Variants in KCNH1 observed in about 807,000 individuals in gnomAD.
KCNH1 encodes voltage-gated delayed rectifier potassium channel KCNH1.
A neutral mutation model predicts 69.2 loss-of-function variants in KCNH1; 27 were observed. That is an observed-to-expected ratio of 0.39 (90% confidence interval 0.29 to 0.54). KCNH1 has a LOEUF of 0.54. KCNH1 is among the 20% of genes least tolerant of loss of function. The pLI is 0.68. For synonymous variants in KCNH1, 456 were observed against 487.7 expected (o/e 0.93, Z 0.86); for missense variants, 798 against 1,261.6 (o/e 0.63, Z 5.57).
chr1:210,798,040 CTT>C (rs540791928), intron 8 of KCNH1, among the ~76,000 whole-genome samples: 15 of 131,332 alleles, frequency 1.1e-4, no homozygotes, highest in Middle Eastern at 3.8e-3. Context: ...GGGAAGGTGA[CTT>C]TTTTTTTTTT....
intron 7 of KCNH1, among the ~76,000 whole-genome samples, chr1:210,852,790 C>T (rs1300817123): frequency 6.6e-6 from 1 of 152,136 alleles, no homozygotes; most frequent in African/African-American, 2.4e-5. Context: ...CAAACACTAG[C>T]TTTACTAATC....
At chr1:210,701,036 C>A (rs112278001) in intron 10 of KCNH1, among the ~76,000 whole-genome samples, 13,346 of 152,146 alleles carry the variant, frequency 0.088, 685 homozygotes, top group Admixed American at 0.14. Flanking sequence ...CTCCCGGGTT[C>A]ACGCCACTCT....
At chr1:211,105,246 A>G (rs968207453) in intron 2 of KCNH1, among the ~76,000 whole-genome samples, 1 of 152,152 alleles carries the variant, frequency 6.6e-6, no homozygotes, top group Non-Finnish European at 1.5e-5. Context: ...GAATAAGAGG[A>G]TTTTTCCTCT....
intron 7 of KCNH1, among the ~76,000 whole-genome samples, chr1:210,904,216 C>T (rs1687050802): frequency 6.6e-6 from 1 of 152,154 alleles, no homozygotes; most frequent in African/African-American, 2.4e-5. Flanking sequence ...GATGACATAA[C>T]TGCTTTGCAA....
intron 10 of KCNH1, among the ~76,000 whole-genome samples, chr1:210,690,073 G>A (rs551395693): frequency 6.6e-6 from 1 of 152,184 alleles, no homozygotes; most frequent in Non-Finnish European, 1.5e-5. Flanking sequence ...GCCCTCCTAG[G>A]TGCTGCCTGG....
intron 6 of KCNH1, among the ~76,000 whole-genome samples, chr1:210,979,169 C>T (rs1688667894): frequency 1.3e-5 from 2 of 152,188 alleles, no homozygotes; most frequent in African/African-American, 4.8e-5. Flanking sequence ...TGCTAGTCCT[C>T]ATAGCCTGCC....
chr1:210,867,980 GT>G (rs911142175), intron 7 of KCNH1, among the ~76,000 whole-genome samples: 1 of 151,902 alleles, frequency 6.6e-6, no homozygotes, highest in African/African-American at 2.4e-5. Flanking sequence ...TGATATACAA[GT>G]TTTTGTGTGA....
At chr1:210,883,124 G>A (rs966214836) in intron 7 of KCNH1, among the ~76,000 whole-genome samples, 1 of 152,118 alleles carries the variant, frequency 6.6e-6, no homozygotes. Context: ...GTATGATGGT[G>A]GGGGAGGGAG....
At chr1:211,070,875 A>G (rs1690630366) in intron 5 of KCNH1, among the ~76,000 whole-genome samples, 1 of 152,044 alleles carries the variant, frequency 6.6e-6, no homozygotes, top group Non-Finnish European at 1.5e-5. Context: ...AGAAGGAAAG[A>G]TAAGAATTAC....
At chr1:210,832,608 A>G (rs905112237) in intron 7 of KCNH1, among the ~76,000 whole-genome samples, 2 of 152,156 alleles carry the variant, frequency 1.3e-5, no homozygotes, top group African/African-American at 4.8e-5. Context: ...ACAAAAGGTA[A>G]CCTCAAAAAA....
intron 1 of KCNH1, among the ~76,000 whole-genome samples, chr1:211,107,880 A>G (rs11119679): frequency 0.8 from 122,351 of 152,198 alleles, 49,623 homozygotes; most frequent in African/African-American, 0.88. Context: ...AAAGGAGGCT[A>G]AACACTTCCT....
At chr1:210,694,529 C>T (rs925382989) in intron 10 of KCNH1, among the ~76,000 whole-genome samples, 4 of 152,184 alleles carry the variant, frequency 2.6e-5, no homozygotes, top group African/African-American at 4.8e-5. Flanking sequence ...GGGAGCAGAG[C>T]CACAGCCTGT....
rs1685973979 is a variant in KCNH1, at chr1:210,861,334, T to C, written c.1463-57168A>G. 1.5e-5 allele frequency: 12 copies of C among 789,700 alleles called. No individual in the cohort carries two copies. The Admixed American group carries it at 2.0e-4, about 13-fold the overall frequency. 48.9% of individuals were successfully genotyped at this position (789,700 alleles called of 1,614,324 possible). ...GTTGTAAAACTTGAGGAGCCATATATTGCTTCTCGTTGTACTGTTATAACA... is the reference window on the plus strand; with the variant it reads ...GTTGTAAAACTTGAGGAGCCATATACTGCTTCTCGTTGTACTGTTATAACA... On this transcript the variant is annotated intron_variant, in intron 7 of 10. Transcript: ENST00000271751.
At chr1:211,001,347 A>G (rs1689174963) in intron 6 of KCNH1, among the ~76,000 whole-genome samples, 1 of 152,126 alleles carries the variant, frequency 6.6e-6, no homozygotes, top group South Asian at 2.1e-4. Context: ...TCAAAAAGTG[A>G]ACAAAGGATA....
intron 6 of KCNH1, among the ~76,000 whole-genome samples, chr1:210,928,274 T>A (rs895070540): frequency 1.3e-5 from 2 of 151,924 alleles, no homozygotes; most frequent in African/African-American, 4.8e-5. Context: ...ACACGGAACA[T>A]CAGCACATGG....
At chr1:210,857,314 C>T (rs903202820) in intron 7 of KCNH1, among the ~76,000 whole-genome samples, 19 of 152,326 alleles carry the variant, frequency 1.2e-4, no homozygotes, top group Middle Eastern at 3.4e-3. Context: ...TGAGGCCTTA[C>T]AGGCACTTTA....
At chr1:210,705,629 GAT>G (rs1681889205) in intron 10 of KCNH1, among the ~76,000 whole-genome samples, 1 of 152,168 alleles carries the variant, frequency 6.6e-6, no homozygotes, top group Non-Finnish European at 1.5e-5. Flanking sequence ...TTGCTTTGAA[GAT>G]ATGATAAAAG....
In KCNH1 at chr1:210,874,819, A is replaced by T. The variant is rs537852860; in HGVS notation, c.1462+44821T>A. Reference sequence around the variant, plus strand: ...TTAATAGCACAATACCTTTTAAGTAAATTAAACTCATATACCCCTAACATA... The same window carrying T: ...TTAATAGCACAATACCTTTTAAGTATATTAAACTCATATACCCCTAACATA... On this transcript the variant is annotated intron_variant, in intron 7 of 10. Coordinates refer to ENST00000271751, the MANE Select transcript of KCNH1 (RefSeq NM_172362.3). Among the ~76,000 whole-genome samples, 15 of 152,328 alleles carry T rather than the reference A, an allele frequency of 9.8e-5. No homozygotes were observed. The East Asian group carries it at 2.9e-3, about 29-fold the overall frequency.
intron 4 of KCNH1, among the ~76,000 whole-genome samples, chr1:211,087,609 A>ACACACACACACACACACACACACACACG: frequency 3.7e-5 from 1 of 26,950 alleles, no homozygotes; most frequent in African/African-American, 1.1e-4. Context: ...TTAAGCATAC[A>ACACACACACACACACACACACACACACG]CACACACACA....
Sources: gnomAD v4.1 joint callset for allele counts (sites outside exome capture counted in the v4.1 genomes callset) on GRCh38, gnomAD v4.1.1 for gene constraint, MANE v1.5 for transcripts, NCBI Gene and HGNC (gene_info 2026-07-23, HGNC 2026-07-21) for gene names.